FHIT: variants seen among roughly 807,000 people sequenced by gnomAD.
FHIT encodes bis(5'-adenosyl)-triphosphatase.
In FHIT, 19 loss-of-function variants were observed where a neutral mutation model predicts 17.9. The ratio of observed to expected loss-of-function variants is 1.06; its 90% CI spans 0.74 to 1.56. FHIT has a LOEUF of 1.56. Ranked by LOEUF, FHIT falls within the 40% of genes most tolerant of loss-of-function variation. The probability of loss-of-function intolerance (pLI) is 0.00; values close to 1 mark genes in which losing one functional copy is unlikely to be tolerated. For synonymous variants in FHIT, 81 were observed against 69.7 expected, an observed-to-expected ratio of 1.16 and a Z score of -0.81; for missense variants, 248 against 189.2, an observed-to-expected ratio of 1.31 and a Z score of -1.82.
At chr3:61,095,531 T>C (rs1576003124) in intron 2 of FHIT, among the ~76,000 whole-genome samples, 1 of 152,206 alleles carries the variant, frequency 6.6e-6, no homozygotes, top group African/African-American at 2.4e-5. Context: ...GAGACTTGCA[T>C]CTGCCCAATA....
intron 3 of FHIT, among the ~76,000 whole-genome samples, chr3:60,869,630 G>A (rs1321610930): frequency 1.3e-5 from 2 of 152,054 alleles, no homozygotes; most frequent in Non-Finnish European, 2.9e-5. Context: ...CTTTTGCCAC[G>A]GAGCCATGTA....
intron 5 of FHIT, among the ~76,000 whole-genome samples, chr3:60,343,592 C>G (rs1710630649): frequency 1.3e-5 from 2 of 152,182 alleles, no homozygotes; most frequent in East Asian, 1.9e-4. Context: ...AAATTTTCCA[C>G]TACGCTTTGC....
chr3:60,594,767 C>T (rs1314863719), intron 4 of FHIT, among the ~76,000 whole-genome samples: 1 of 152,062 alleles, frequency 6.6e-6, no homozygotes, highest in Non-Finnish European at 1.5e-5. Context: ...GCTTTTTCCC[C>T]CATATCTGGT....
intron 3 of FHIT, chr3:60,912,744 T>A (rs1472134380): frequency 1.9e-6 from 1 of 516,708 alleles, no homozygotes; most frequent in Admixed American, 2.0e-5. Context: ...TTCCCCCATA[T>A]ATTTACCTTC....
chr3:59,857,705 G>GTTTTTTTTTTTTTTTTT (rs78150569), intron 8 of FHIT, among the ~76,000 whole-genome samples: 31 of 115,418 alleles, frequency 2.7e-4, no homozygotes, highest in African/African-American at 3.6e-4. Flanking sequence ...AAAGTGCTGG[G>GTTTTTTTTTTTTTTTTT]TTTTTTTTTT....
At chr3:60,181,105 T>C (rs1041385259) in intron 5 of FHIT, among the ~76,000 whole-genome samples, 2 of 151,980 alleles carry the variant, frequency 1.3e-5, no homozygotes. Flanking sequence ...AATATTACTA[T>C]TACTCTCTAC....
chr3:61,084,073 C>T (rs968982395), intron 2 of FHIT, among the ~76,000 whole-genome samples: 1 of 152,184 alleles, frequency 6.6e-6, no homozygotes, highest in African/African-American at 2.4e-5. Context: ...ACACTCAGAT[C>T]AGCAATCCAA....
At chr3:60,931,871 T>A (rs1354493667) in intron 3 of FHIT, among the ~76,000 whole-genome samples, 2 of 152,256 alleles carry the variant, frequency 1.3e-5, no homozygotes, top group African/African-American at 4.8e-5. Context: ...ATGACCATTT[T>A]TGAGCAGAGC....
intron 4 of FHIT, among the ~76,000 whole-genome samples, chr3:60,601,239 A>T (rs1005319428): frequency 7.9e-5 from 12 of 152,020 alleles, no homozygotes; most frequent in Non-Finnish European, 1.3e-4. Context: ...AGCCTTCTCC[A>T]CCCTCACCCT....
intron 5 of FHIT, among the ~76,000 whole-genome samples, chr3:60,461,020 C>G (rs2107409934): frequency 6.6e-6 from 1 of 152,264 alleles, no homozygotes; most frequent in East Asian, 1.9e-4. Context: ...CCATATGTAA[C>G]AACCCTGGCA....
rs562855938 is a variant in FHIT at position 59,894,037 on chromosome 3, C to G, written c.348+28309G>C. Among the ~76,000 whole-genome samples, 3 of 152,288 alleles carry G rather than the reference C, an allele frequency of 2.0e-5. No homozygotes were observed. The East Asian group carries it at 5.8e-4, about 29-fold the overall frequency. ...ATACCAGCACTTTGGGCGGCCAAGGCAGGCAGATCACTTTAGACCAGCCTG... is the reference window on the plus strand; with the variant it reads ...ATACCAGCACTTTGGGCGGCCAAGGGAGGCAGATCACTTTAGACCAGCCTG... On this transcript the variant is annotated intron_variant, in intron 8 of 9. Transcript: ENST00000492590.
intron 4 of FHIT, among the ~76,000 whole-genome samples, chr3:60,721,306 T>A (rs1553707995): frequency 6.6e-6 from 1 of 152,098 alleles, no homozygotes; most frequent in Admixed American, 6.5e-5. Flanking sequence ...AAAACATGAT[T>A]AAGAACACAC....
intron 2 of FHIT, among the ~76,000 whole-genome samples, chr3:61,132,221 G>C (rs2036784170): frequency 6.6e-6 from 1 of 152,178 alleles, no homozygotes; most frequent in Non-Finnish European, 1.5e-5. Context: ...AAGGAATACT[G>C]AATTAGTCTG....
chr3:61,043,305 ATCCCGCGCCTAGCTCGGAGGG>A (rs1414509922), intron 2 of FHIT, among the ~76,000 whole-genome samples: 1 of 152,160 alleles, frequency 6.6e-6, no homozygotes, highest in African/African-American at 2.4e-5. Context: ...AGGAGATTAT[ATCCCGCGCCTAGCTCGGAGGG>A]TCCCACGCCT....
intron 8 of FHIT, among the ~76,000 whole-genome samples, chr3:59,874,891 C>G (rs1360864545): frequency 6.6e-6 from 1 of 152,206 alleles, no homozygotes. Flanking sequence ...CCTTCAATCA[C>G]TCTCCAAATC....
At chr3:59,904,711 G>A (rs2629889) in intron 8 of FHIT, among the ~76,000 whole-genome samples, 54,726 of 151,998 alleles carry the variant, frequency 0.36, 10,194 homozygotes, top group East Asian at 0.52. Flanking sequence ...GGACATTGAA[G>A]GGTGAGGAGG....
At chr3:60,892,680 A>C (rs567529315) in intron 3 of FHIT, among the ~76,000 whole-genome samples, 8 of 152,222 alleles carry the variant, frequency 5.3e-5, no homozygotes, top group Non-Finnish European at 1.0e-4. Context: ...TACTAACATT[A>C]CTGGAAGCAT....
chr3:59,980,839 C>G (rs974240612), intron 7 of FHIT, among the ~76,000 whole-genome samples: 2 of 152,138 alleles, frequency 1.3e-5, no homozygotes, highest in African/African-American at 4.8e-5. Context: ...TTATAAGCCA[C>G]CCAGTTTGTG....
chr3:59,845,931 T>A (rs1575581960), intron 8 of FHIT, among the ~76,000 whole-genome samples: 2 of 152,316 alleles, frequency 1.3e-5, no homozygotes, highest in East Asian at 1.9e-4. Context: ...ACTATTTACA[T>A]GGAATATCCT....
Sources: allele counts gnomAD v4.1 joint callset (sites outside exome capture counted in the v4.1 genomes callset), GRCh38; gene constraint gnomAD v4.1.1; transcripts MANE v1.5; gene names NCBI Gene and HGNC (gene_info 2026-07-23, HGNC 2026-07-21).